The following ZNF763 variants were observed in gnomAD, a reference collection of about 807,000 sequenced individuals.
The protein encoded by ZNF763 is DNA-binding protein.
In ZNF763, 33 loss-of-function variants were observed where a neutral mutation model predicts 38.0. The ratio of observed to expected loss-of-function variants is 0.87; its 90% CI spans 0.66 to 1.16. The LOEUF (loss-of-function observed/expected upper bound fraction) is 1.16, where lower values mean the gene tolerates loss of function less well. Among genes scored for constraint, ZNF763 ranks in the 50% most tolerant of loss-of-function variants. The probability of loss-of-function intolerance (pLI) is 0.00; values close to 1 mark genes in which losing one functional copy is unlikely to be tolerated. For missense variants in ZNF763, 423 were observed against 469.1 expected (o/e 0.90, Z 0.91); for synonymous variants, 155 against 160.1 (o/e 0.97, Z 0.24).
At chr19:11,965,709 C>T (rs1377658015) in intron 1 of ZNF763, among the ~76,000 whole-genome samples, 1 of 152,180 alleles carries the variant, frequency 6.6e-6, no homozygotes, top group Non-Finnish European at 1.5e-5. Context: ...CTGAAAAAGC[C>T]AAACAATGTA....
intron 1 of ZNF763, 172 bp from the exon 2 acceptor site, chr19:11,976,863 AAAC>A (rs1355911507): frequency 1.9e-5 from 28 of 1,461,632 alleles, no homozygotes; most frequent in South Asian, 4.5e-5. Flanking sequence ...ATCCATCTCA[AAAC>A]AACAACAACA....
At position 11,978,206 on chromosome 19, in the gene ZNF763, C is replaced by G; in HGVS notation, c.282C>G (p.Phe94Leu). ...AGGTTCCAGATGACAGGCTGAACTTCCAGGAGAAGAAAGCTTCTCCTGAAG... is the reference window on the plus strand; with the variant it reads ...AGGTTCCAGATGACAGGCTGAACTTGCAGGAGAAGAAAGCTTCTCCTGAAG... ...FTQVPDDRLN[F>L]QEKKASPEAK... Residue 94 changes from phenylalanine to leucine, a missense_variant, in exon 4 of 4, where the codon TTC becomes TTG. By Grantham distance (22) the Phe-to-Leu change is conservative (BLOSUM62 0). Transcript: ENST00000358987. 1 of 1,613,752 alleles carries G rather than the reference C, an allele frequency of 6.2e-7. No homozygotes were observed. Among genetic ancestry groups the G allele is most frequent in the Middle Eastern group, 1.7e-4 (1 of 6,058 alleles).
intron 1 of ZNF763, among the ~76,000 whole-genome samples, chr19:11,975,098 T>C (rs543088461): frequency 3.3e-3 from 485 of 147,204 alleles, no homozygotes; most frequent in Non-Finnish European, 5.8e-3. Context: ...TGTTATTTTC[T>C]TTTTTTTTTT....
At chr19:11,974,378 G>A (rs1231888022) in intron 1 of ZNF763, among the ~76,000 whole-genome samples, 1 of 151,244 alleles carries the variant, frequency 6.6e-6, no homozygotes, top group Non-Finnish European at 1.5e-5. Context: ...TGTATTATTA[G>A]TAGAGATGAC....
rs1973508085 is a variant in ZNF763 at position 11,977,044 on chromosome 19, G to A, written c.10G>A (p.Val4Met). MDP[V>M]ACEDVAVNFT... ...CACATGTGAGATGTTTCAGGACCCTGTGGCCTGTGAGGATGTTGCTGTGAA... is the reference window on the plus strand; with the variant it reads ...CACATGTGAGATGTTTCAGGACCCTATGGCCTGTGAGGATGTTGCTGTGAA... The change falls in exon 2 of 4, where the codon GTG (valine) becomes ATG (methionine). Residue 4 changes from valine to methionine, a missense_variant. Coordinates refer to ENST00000358987, the MANE Select transcript of ZNF763 (RefSeq NM_001367172.2). 1.2e-6 allele frequency: 2 copies of A among 1,614,186 alleles called. No individual in the cohort carries two copies. Among genetic ancestry groups the A allele is most frequent in the Non-Finnish European group, 1.7e-6 (2 of 1,180,022 alleles).
At chr19:11,970,570 T>C (rs1973330428) in intron 1 of ZNF763, among the ~76,000 whole-genome samples, 1 of 152,236 alleles carries the variant, frequency 6.6e-6, no homozygotes, top group African/African-American at 2.4e-5. Context: ...TAACCATTTG[T>C]CCCTGCTTTT....
chr19:11,966,545 T>TGTATTTTTA (rs1973233107), intron 1 of ZNF763, among the ~76,000 whole-genome samples: 1 of 152,156 alleles, frequency 6.6e-6, no homozygotes, highest in Non-Finnish European at 1.5e-5. Context: ...GGCTAATTTT[T>TGTATTTTTA]GTATTTTTAG....
chr19:11,978,828 CA>C lies in ZNF763; in HGVS notation c.905del (p.His302LeufsTer96). 6.2e-7 allele frequency: 1 copy of C among 1,614,150 alleles called. No individual in the cohort carries two copies. Among genetic ancestry groups the C allele is most frequent in the Non-Finnish European group, 8.5e-7 (1 of 1,180,008 alleles). On this transcript the variant is annotated frameshift_variant, in exon 4 of 4. Coordinates refer to ENST00000358987, the MANE Select transcript of ZNF763 (RefSeq NM_001367172.2). LOFTEE classifies it high-confidence loss of function. ...CAGTTGGTGTCATTCCTTTCAAATACATGAAAGAACTCACACTGGGGAGAAG... is the reference window on the plus strand; with the variant it reads ...CAGTTGGTGTCATTCCTTTCAAATACTGAAAGAACTCACACTGGGGAGAAG... The part of the protein sequence containing the change: ...SFSWCHSFQI[H>X]ERTHTGEKPC...
Position 11,977,086 on chromosome 19 carries a change from T to A in ZNF763, c.52T>A (p.Trp18Arg). 6.2e-7 allele frequency: 1 copy of A among 1,613,782 alleles called. No homozygotes were observed. Among genetic ancestry groups the A allele is most frequent in the Non-Finnish European group, 8.5e-7 (1 of 1,179,966 alleles). ...TGCTGTGAACTTCACCCAGGAGGAG[T>A]GGGCTTTGCTGGATATTTCGCAGAG... is the stretch of plus-strand genomic sequence containing the variant. ...DVAVNFTQEE[W>R]ALLDISQRKL... The change falls in exon 2 of 4, where the codon TGG becomes AGG. Residue 18 changes from tryptophan to arginine, a missense_variant. Trp to Arg is a moderately radical substitution (Grantham distance 101). Coordinates refer to ENST00000358987, the MANE Select transcript of ZNF763 (RefSeq NM_001367172.2).
chr19:11,966,624 T>G (rs1327474531), intron 1 of ZNF763, among the ~76,000 whole-genome samples: 1 of 152,150 alleles, frequency 6.6e-6, no homozygotes, highest in African/African-American at 2.4e-5. Flanking sequence ...TCCACCTGCC[T>G]CGGCCTCCCA....
At chr19:11,965,307 A>T in intron 1 of ZNF763, 96 bp downstream of exon 1, 2 of 1,555,008 alleles carry the variant, frequency 1.3e-6, no homozygotes, top group Non-Finnish European at 1.8e-6. Flanking sequence ...CCTGCGGGCG[A>T]CTCCAGGGTC....
chr19:11,974,719 C>T (rs1429615335), intron 1 of ZNF763, among the ~76,000 whole-genome samples: 1 of 152,204 alleles, frequency 6.6e-6, no homozygotes, highest in East Asian at 1.9e-4. Context: ...TCTCCCACCT[C>T]AGCCTCCCAG....
At chr19:11,973,585 T>A (rs1184765661) in intron 1 of ZNF763, among the ~76,000 whole-genome samples, 2 of 152,140 alleles carry the variant, frequency 1.3e-5, no homozygotes, top group African/African-American at 4.8e-5. Context: ...ATTCACCTAT[T>A]GAAAGGCTCA....
intron 1 of ZNF763, among the ~76,000 whole-genome samples, chr19:11,969,465 T>A (rs1973306066): frequency 6.6e-6 from 1 of 152,166 alleles, no homozygotes; most frequent in Non-Finnish European, 1.5e-5. Context: ...AATCAGCGGT[T>A]AATTGGTGGA....
Position 11,965,145 on chromosome 19 carries a change from C to A in ZNF763, c.-64C>A. The A allele has an allele frequency of 1.9e-6, 3 of 1,609,940 alleles. No homozygotes were observed. Among genetic ancestry groups the A allele is most frequent in the South Asian group, 1.1e-5 (1 of 91,000 alleles). On this transcript the variant is annotated 5_prime_UTR_variant, in exon 1 of 4. Transcript: ENST00000358987. ...CAGGTTTCTATCGCTCTGTCTCCTG[C>A]GCTGTGCCCTTCTGTAGTCACAGGA...
intron 1 of ZNF763, among the ~76,000 whole-genome samples, chr19:11,975,681 C>T (rs941048609): frequency 1.1e-4 from 17 of 152,284 alleles, no homozygotes; most frequent in Non-Finnish European, 2.5e-4. Context: ...CGCACCCCGG[C>T]CTTTAAGATG....
intron 1 of ZNF763, among the ~76,000 whole-genome samples, chr19:11,975,065 G>T (rs1046271277): frequency 5.9e-5 from 9 of 151,680 alleles, no homozygotes; most frequent in African/African-American, 2.2e-4. Flanking sequence ...GATGTTTCTT[G>T]CATGTCATAG....
chr19:11,975,588 A>G (rs1599318530), intron 1 of ZNF763, among the ~76,000 whole-genome samples: 1 of 151,686 alleles, frequency 6.6e-6, no homozygotes, highest in Non-Finnish European at 1.5e-5. Flanking sequence ...TAGTAGAGAC[A>G]GGGTTTCACT....
intron 1 of ZNF763, among the ~76,000 whole-genome samples, chr19:11,971,101 GC>G (rs1973341927): frequency 6.6e-6 from 1 of 152,110 alleles, no homozygotes; most frequent in African/African-American, 2.4e-5. Context: ...GTCATCTTGG[GC>G]TGCTACATCA....
Sources: allele counts gnomAD v4.1 joint callset (sites outside exome capture counted in the v4.1 genomes callset), GRCh38; gene constraint gnomAD v4.1.1; transcripts MANE v1.5; gene names NCBI Gene and HGNC (gene_info 2026-07-23, HGNC 2026-07-21).